The following IQSEC2 variants were observed in gnomAD, a reference collection of about 807,000 sequenced individuals.
IQSEC2 encodes the protein IQ motif and SEC7 domain-containing protein 2.
Under a neutral mutation model 74.6 loss-of-function variants are expected in IQSEC2, and 6 were observed. That is an observed-to-expected ratio of 0.08 (90% CI 0.04 to 0.16). The LOEUF is 0.16. IQSEC2 is among the 10% of genes least tolerant of loss of function. The probability of loss-of-function intolerance (pLI) is 1.00; values close to 1 mark genes in which losing one functional copy is unlikely to be tolerated. For synonymous variants in IQSEC2, 494 were observed against 544.5 expected, an observed-to-expected ratio of 0.91 and a Z score of 1.29; for missense variants, 734 against 1,306.2, an observed-to-expected ratio of 0.56 and a Z score of 6.75.
chrX:53,248,068 G>A (rs781848108), intron 7 of IQSEC2, 46 bp downstream of exon 7: 28 of 1,200,641 alleles, frequency 2.3e-5, no homozygotes, highest in Non-Finnish European at 3.2e-5. Flanking sequence ...CTACGTCGAT[G>A]CCCACAGGAG....
At chrX:53,246,914 A>AC (rs1303154879) in intron 8 of IQSEC2, 55 bp downstream of exon 8, 23 of 1,087,160 alleles carry the variant, frequency 2.1e-5, no homozygotes, top group Non-Finnish European at 2.8e-5. Flanking sequence ...CCTTCCCCTT[A>AC]CCCCCCACTT....
intron 1 of IQSEC2, among the ~76,000 whole-genome samples, chrX:53,294,273 A>G (rs782083476): frequency 8.9e-6 from 1 of 112,833 alleles, no homozygotes; most frequent in Admixed American, 9.4e-5. Flanking sequence ...GAATTCGCCA[A>G]TTCTCGCTAT....
chrX:53,304,987 C>T (rs782517668), intron 1 of IQSEC2, among the ~76,000 whole-genome samples: 2 of 107,323 alleles, frequency 1.9e-5, no homozygotes, highest in East Asian at 2.9e-4. Context: ...GGTGCAATCT[C>T]GGCTCACTGC....
At chrX:53,249,779 C>G (rs1270386927) in intron 5 of IQSEC2, among the ~76,000 whole-genome samples, 1 of 111,954 alleles carries the variant, frequency 8.9e-6, no homozygotes, top group Non-Finnish European at 1.9e-5. Flanking sequence ...AGCTTAGTCA[C>G]AGTCACTGAA....
At chrX:53,232,757 C>T (rs905678942), downstream of IQSEC2, 2 of 112,256 alleles carry the variant, frequency 1.8e-5, no homozygotes, top group African/African-American at 6.5e-5. Context: ...AGCAAAGCAT[C>T]TCGTCCACCC....
intron 2 of IQSEC2, among the ~76,000 whole-genome samples, chrX:53,266,144 C>T (rs2074652479): frequency 8.9e-6 from 1 of 111,761 alleles, no homozygotes. Context: ...CCAAGGTTAG[C>T]CTGCCCGTGT....
At position 53,233,536 on chromosome X, in the gene IQSEC2, G is replaced by C. The variant is rs2074079827; in HGVS notation, c.*683C>G. 6.7e-6 allele frequency: 1 copy of C among 150,185 alleles called. No individual in the cohort carries two copies. The highest frequency in any genetic ancestry group is 3.3e-4 in the South Asian group (1 of 3,015). 12.4% of individuals were successfully genotyped at this position (150,185 alleles called of 1,213,427 possible). On this transcript the variant is annotated 3_prime_UTR_variant, in exon 15 of 15. Transcript: ENST00000642864. ...ATAAGAACGTTGCAGGGCGAGGCAA[G>C]TTCCTGAAGCCGAAGAGGTCTGGGC...
chrX:53,243,500 T>A (rs1556861407), intron 8 of IQSEC2, 29 bp from the exon 9 acceptor site: 1 of 1,150,712 alleles, frequency 8.7e-7, no homozygotes, highest in East Asian at 3.2e-5. Flanking sequence ...CAGGGATATG[T>A]CACATAATTA....
intron 2 of IQSEC2, among the ~76,000 whole-genome samples, chrX:53,270,472 G>A (rs2074725982): frequency 1.8e-5 from 2 of 110,715 alleles, no homozygotes; most frequent in Non-Finnish European, 1.9e-5. Context: ...AGAGGTACAC[G>A]GCTCACTCTC....
At chrX:53,273,174 C>T (rs1245462405) in intron 2 of IQSEC2, among the ~76,000 whole-genome samples, 1 of 109,130 alleles carries the variant, frequency 9.2e-6, no homozygotes, top group African/African-American at 3.3e-5. Flanking sequence ...TGAACAAGAC[C>T]ATTTCTGGTG....
rs888872976 is a variant in IQSEC2, at chrX:53,292,270, G to A, written c.708-346C>T. On this transcript the variant is annotated intron_variant, in intron 1 of 14. Transcript: ENST00000642864. Reference sequence around the variant, plus strand: ...GCTTTCGTCGAGGCAGCCAGCAGCCGTGGGCAGGGGCAAAGCCCAAGCTTG... The same window carrying A: ...GCTTTCGTCGAGGCAGCCAGCAGCCATGGGCAGGGGCAAAGCCCAAGCTTG... 3.6e-5 allele frequency among the ~76,000 whole-genome samples: 4 copies of A among 111,886 alleles called. No homozygotes were observed. In the East Asian group the frequency reaches 1.1e-3, roughly 32 times the overall value.
intron 1 of IQSEC2, among the ~76,000 whole-genome samples, chrX:53,317,342 T>C (rs2075387612): frequency 8.9e-6 from 1 of 111,752 alleles, no homozygotes; most frequent in African/African-American, 3.3e-5. Context: ...GATACTGGCA[T>C]CCTGGAACCT....
intron 2 of IQSEC2, among the ~76,000 whole-genome samples, chrX:53,288,886 T>A (rs782476937): frequency 3.6e-5 from 4 of 111,166 alleles, no homozygotes; most frequent in Non-Finnish European, 7.6e-5. Flanking sequence ...TGGCTTAAGG[T>A]ATCTTTAGGT....
chrX:53,296,218 A>C (rs1556874247), intron 1 of IQSEC2, among the ~76,000 whole-genome samples: 1 of 110,463 alleles, frequency 9.1e-6, no homozygotes, highest in East Asian at 2.9e-4. Context: ...TATTTTTAGT[A>C]GAGATGGGGT....
At chrX:53,301,222 G>C (rs1465946283) in intron 1 of IQSEC2, among the ~76,000 whole-genome samples, 1 of 112,272 alleles carries the variant, frequency 8.9e-6, no homozygotes, top group Non-Finnish European at 1.9e-5. Flanking sequence ...GGCTTGCTGG[G>C]AAAGCTCTAT....
intron 1 of IQSEC2, among the ~76,000 whole-genome samples, chrX:53,309,293 G>A (rs1556877487): frequency 8.9e-6 from 1 of 112,048 alleles, no homozygotes. Flanking sequence ...GGGAAAAGTG[G>A]TTGCATCTGG....
intron 2 of IQSEC2, among the ~76,000 whole-genome samples, chrX:53,286,650 A>G (rs1176487782): frequency 9.0e-6 from 1 of 111,706 alleles, no homozygotes; most frequent in African/African-American, 3.3e-5. Context: ...TCCATGAAAA[A>G]GAGATGATAG....
At chrX:53,276,398 C>G (rs941434340) in intron 2 of IQSEC2, among the ~76,000 whole-genome samples, 3 of 112,248 alleles carry the variant, frequency 2.7e-5, no homozygotes, top group Non-Finnish European at 5.6e-5. Context: ...GTATATTTAT[C>G]TGTGTCTACT....
At chrX:53,279,484 A>G (rs2074905474) in intron 2 of IQSEC2, 2 of 570,282 alleles carry the variant, frequency 3.5e-6, no homozygotes, top group African/African-American at 4.4e-5. Context: ...GGGCTCAGGG[A>G]GGTGGGAGGG....
Sources: gnomAD v4.1 joint callset for allele counts (sites outside exome capture counted in the v4.1 genomes callset) on GRCh38, gnomAD v4.1.1 for gene constraint, MANE v1.5 for transcripts, NCBI Gene and HGNC (gene_info 2026-07-23, HGNC 2026-07-21) for gene names.